Variants in FOXP2 observed in about 807,000 individuals in gnomAD.
The protein encoded by FOXP2 is forkhead box protein P2.
A neutral mutation model predicts 115.8 loss-of-function variants in FOXP2; 12 were observed. That is an observed-to-expected ratio of 0.10 (90% confidence interval 0.07 to 0.17). The LOEUF is 0.17. Ranked by LOEUF, FOXP2 falls within the 10% of genes least tolerant of loss-of-function variation. FOXP2 has a pLI of 1.00. For missense variants in FOXP2, 629 were observed against 843.5 expected, an observed-to-expected ratio of 0.75 and a Z score of 3.15; for synonymous variants, 328 against 297.7, an observed-to-expected ratio of 1.10 and a Z score of -1.05.
chr7:114,088,800 T>C (rs748162561), intron 1 of FOXP2, among the ~76,000 whole-genome samples: 7 of 151,718 alleles, frequency 4.6e-5, no homozygotes, highest in Non-Finnish European at 8.9e-5. Flanking sequence ...AAATGTAGTG[T>C]TTGTTTAATG....
At chr7:114,251,342 T>C (rs1419385768) in intron 1 of FOXP2, among the ~76,000 whole-genome samples, 2 of 152,212 alleles carry the variant, frequency 1.3e-5, no homozygotes, top group East Asian at 3.8e-4. Context: ...AGAAAGTCAT[T>C]GGTAGCTTGA....
intron 1 of FOXP2, among the ~76,000 whole-genome samples, chr7:114,146,445 T>TG (rs1255543603): frequency 2.0e-5 from 3 of 152,210 alleles, no homozygotes; most frequent in Non-Finnish European, 4.4e-5. Context: ...ATAGAATTAG[T>TG]GAGTGGATAA....
At chr7:114,136,665 G>A (rs915792477) in intron 1 of FOXP2, among the ~76,000 whole-genome samples, 3 of 151,146 alleles carry the variant, frequency 2.0e-5, no homozygotes, top group African/African-American at 7.3e-5. Context: ...TTAGATAAAT[G>A]AGTCTAAGCT....
chr7:114,123,351 CAAA>C (rs35721597), intron 1 of FOXP2, among the ~76,000 whole-genome samples: 6 of 78,400 alleles, frequency 7.7e-5, no homozygotes, highest in Admixed American at 1.4e-4. Context: ...AAAGCCCTGT[CAAA>C]AAAAAAAAAA....
intron 2 of FOXP2, among the ~76,000 whole-genome samples, chr7:114,502,063 A>G (rs866956070): frequency 2.0e-5 from 3 of 152,170 alleles, no homozygotes; most frequent in Middle Eastern, 3.4e-3. Context: ...GGCCATCGGC[A>G]TATTTCTAAA....
At chr7:114,495,941 A>G (rs1031664215) in intron 2 of FOXP2, among the ~76,000 whole-genome samples, 1 of 152,158 alleles carries the variant, frequency 6.6e-6, no homozygotes, top group Non-Finnish European at 1.5e-5. Context: ...AGTTGCCAAA[A>G]CATTTTTTTT....
At chr7:114,568,525 T>G (rs1226451875) in intron 3 of FOXP2, among the ~76,000 whole-genome samples, 1 of 151,782 alleles carries the variant, frequency 6.6e-6, no homozygotes, top group Non-Finnish European at 1.5e-5. Context: ...AGATAGTAAC[T>G]AAAGAAGATA....
At chr7:114,339,548 A>G (rs1791149361) in intron 2 of FOXP2, among the ~76,000 whole-genome samples, 1 of 151,120 alleles carries the variant, frequency 6.6e-6, no homozygotes, top group African/African-American at 2.4e-5. Context: ...GTCCAACAGA[A>G]CATTTCCTGA....
intron 2 of FOXP2, among the ~76,000 whole-genome samples, chr7:114,445,407 T>C (rs965124436): frequency 2.0e-5 from 3 of 152,200 alleles, no homozygotes; most frequent in Admixed American, 2.0e-4. Context: ...CTCAACAGTA[T>C]GTAACTTAGG....
intron 1 of FOXP2, among the ~76,000 whole-genome samples, chr7:114,232,176 T>C (rs1411861707): frequency 6.6e-6 from 1 of 152,058 alleles, no homozygotes; most frequent in Admixed American, 6.6e-5. Flanking sequence ...TCACACCTGT[T>C]AGGATGGCCA....
At chr7:114,335,576 C>T (rs1797833710) in intron 2 of FOXP2, among the ~76,000 whole-genome samples, 1 of 151,622 alleles carries the variant, frequency 6.6e-6, no homozygotes, top group Non-Finnish European at 1.5e-5. Flanking sequence ...GCAAATATGA[C>T]CATTTGCATG....
chr7:114,512,688 T>C (rs1798133329), intron 2 of FOXP2, among the ~76,000 whole-genome samples: 2 of 152,196 alleles, frequency 1.3e-5, no homozygotes, highest in African/African-American at 4.8e-5. Flanking sequence ...ATCTCAATTT[T>C]TTAAGCCATA....
At chr7:114,612,597 C>G (rs1803694637) in intron 3 of FOXP2, among the ~76,000 whole-genome samples, 1 of 152,240 alleles carries the variant, frequency 6.6e-6, no homozygotes, top group Non-Finnish European at 1.5e-5. Context: ...ATGTGATGAA[C>G]TGTCAGGAAG....
chr7:114,412,194 T>C (rs569324509), upstream of FOXP2, among the ~76,000 whole-genome samples: 22 of 152,286 alleles, frequency 1.4e-4, no homozygotes, highest in African/African-American at 4.1e-4. Flanking sequence ...TATGATTATT[T>C]TGGAAGATAT....
rs1259759882 is a variant in FOXP2 at position 114,692,689 on chromosome 7, T to G, written c.*2763T>G. The G allele has an allele frequency of 6.7e-6, 3 of 445,034 alleles. No homozygotes were observed. In the Admixed American group the frequency reaches 7.3e-5, roughly 11 times the overall value. 27.6% of individuals were successfully genotyped at this position (445,034 alleles called of 1,614,324 possible). On this transcript the variant is annotated 3_prime_UTR_variant, in exon 17 of 17. Transcript: ENST00000350908. ...TCTGTGCATACCTTATAAAGCATAA[T>G]GTCTGACAATTTAAATGGCTCATGT...
At chr7:114,600,305 T>G (rs986870890) in intron 3 of FOXP2, among the ~76,000 whole-genome samples, 1 of 152,204 alleles carries the variant, frequency 6.6e-6, no homozygotes, top group African/African-American at 2.4e-5. Context: ...TTCTTTTACT[T>G]GGCAATGTGC....
chr7:114,146,684 A>G (rs926783268), intron 1 of FOXP2, among the ~76,000 whole-genome samples: 3 of 152,214 alleles, frequency 2.0e-5, no homozygotes, highest in Non-Finnish European at 4.4e-5. Context: ...CTAATTGCTA[A>G]TATGATACTA....
At chr7:114,474,199 A>C (rs990624145) in intron 2 of FOXP2, among the ~76,000 whole-genome samples, 4 of 152,228 alleles carry the variant, frequency 2.6e-5, no homozygotes, top group Non-Finnish European at 4.4e-5. Context: ...TCAGAACAAC[A>C]GAATAGCAAA....
chr7:114,687,642 G>A (rs1203173639), intron 16 of FOXP2, among the ~76,000 whole-genome samples: 1 of 152,264 alleles, frequency 6.6e-6, no homozygotes, highest in South Asian at 2.1e-4. Context: ...GCGACCTTGT[G>A]TAGTCTAGAC....
Sources: gnomAD v4.1 joint callset for allele counts (sites outside exome capture counted in the v4.1 genomes callset) on GRCh38, gnomAD v4.1.1 for gene constraint, MANE v1.5 for transcripts, NCBI Gene and HGNC (gene_info 2026-07-23, HGNC 2026-07-21) for gene names.